The following PRKAR2B variants were observed in gnomAD, a reference collection of about 807,000 sequenced individuals.
PRKAR2B encodes the protein cAMP-dependent protein kinase type II-beta regulatory subunit.
A neutral mutation model predicts 49.9 loss-of-function variants in PRKAR2B; 14 were observed. The observed-to-expected ratio is 0.28, with a 90% confidence interval of 0.19 to 0.44. The LOEUF (loss-of-function observed/expected upper bound fraction) is 0.44, where lower values mean the gene tolerates loss of function less well. PRKAR2B is among the 20% of genes least tolerant of loss of function. PRKAR2B has a pLI of 1.00. For synonymous variants in PRKAR2B, 196 were observed against 197.7 expected (o/e 0.99, Z 0.07); for missense variants, 393 against 537.9 (o/e 0.73, Z 2.67).
At chr7:107,125,761 T>C (rs1795470662) in intron 3 of PRKAR2B, among the ~76,000 whole-genome samples, 2 of 151,764 alleles carry the variant, frequency 1.3e-5, no homozygotes, top group Admixed American at 6.6e-5. Flanking sequence ...ACCATAGTGA[T>C]GGAGGTGGGG....
intron 2 of PRKAR2B, among the ~76,000 whole-genome samples, chr7:107,114,966 A>G (rs1795244556): frequency 6.6e-6 from 1 of 152,214 alleles, no homozygotes; most frequent in Non-Finnish European, 1.5e-5. Context: ...TAATGGGCTT[A>G]TAATGAATCA....
At position 107,140,890 on chromosome 7, in the gene PRKAR2B, T is replaced by G; in HGVS notation, c.524T>G (p.Val175Gly). 1.9e-6 allele frequency: 3 copies of G among 1,612,684 alleles called. No individual in the cohort carries two copies. The highest frequency in any genetic ancestry group is 2.5e-6 in the Non-Finnish European group (3 of 1,179,242). The change falls in exon 5 of 11, where the codon GTC (valine) becomes GGC (glycine). Residue 175 changes from valine (V) to glycine (G), a missense_variant. This residue lies in a region of PRKAR2B where 233 missense variants were observed against 390.4 expected (regional missense o/e 0.60). Coordinates refer to ENST00000265717, the MANE Select transcript of PRKAR2B (RefSeq NM_002736.3). ...TTAGATGCCATGTTTGAAAAATTGG[T>G]CAAAGATGGGGAGCATGTAATTGAT... is the stretch of plus-strand genomic sequence containing the variant. The part of the protein sequence containing the change: ...QVLDAMFEKL[V>G]KDGEHVIDQG...
At chr7:107,158,734 C>G (rs1796143962) in intron 10 of PRKAR2B, among the ~76,000 whole-genome samples, 1 of 152,184 alleles carries the variant, frequency 6.6e-6, no homozygotes, top group East Asian at 1.9e-4. Context: ...TTGTACACTA[C>G]TAGCAGTGCC....
chr7:107,106,499 T>C (rs764507404), intron 2 of PRKAR2B, among the ~76,000 whole-genome samples: 8 of 152,222 alleles, frequency 5.3e-5, no homozygotes, highest in South Asian at 2.1e-4. Flanking sequence ...TAAACTTCTC[T>C]GGATCCTCCA....
At chr7:107,149,696 G>C (rs1203914436) in intron 6 of PRKAR2B, among the ~76,000 whole-genome samples, 1 of 152,070 alleles carries the variant, frequency 6.6e-6, no homozygotes, top group African/African-American at 2.4e-5. Flanking sequence ...ATCACACCTA[G>C]AGACTTTCAT....
intron 2 of PRKAR2B, among the ~76,000 whole-genome samples, chr7:107,117,578 T>G (rs181343025): frequency 1.3e-5 from 2 of 152,274 alleles, no homozygotes; most frequent in Admixed American, 1.3e-4. Context: ...TCAGTCTGCT[T>G]CCTTTAACTC....
At chr7:107,149,160 T>C (rs1002462058) in intron 6 of PRKAR2B, among the ~76,000 whole-genome samples, 1 of 152,202 alleles carries the variant, frequency 6.6e-6, no homozygotes, top group East Asian at 1.9e-4. Context: ...CAGAAATCTT[T>C]TTTAATACTA....
chr7:107,059,162 C>A (rs1793977147), intron 1 of PRKAR2B, among the ~76,000 whole-genome samples: 1 of 152,134 alleles, frequency 6.6e-6, no homozygotes, highest in African/African-American at 2.4e-5. Context: ...ATGGCACATG[C>A]CTGTAATCCC....
chr7:107,089,408 C>T (rs1794679446), intron 2 of PRKAR2B, among the ~76,000 whole-genome samples: 1 of 152,108 alleles, frequency 6.6e-6, no homozygotes, highest in Admixed American at 6.5e-5. Context: ...TCTTCCTAAC[C>T]AGGTTCTACA....
chr7:107,126,002 G>A (rs1261036564), intron 3 of PRKAR2B, among the ~76,000 whole-genome samples: 4 of 147,700 alleles, frequency 2.7e-5, no homozygotes, highest in East Asian at 2.0e-4. Context: ...CAGGAGAGTC[G>A]CTTGAACCCA....
At chr7:107,116,178 T>A (rs1022023602) in intron 2 of PRKAR2B, among the ~76,000 whole-genome samples, 6 of 152,228 alleles carry the variant, frequency 3.9e-5, no homozygotes, top group Non-Finnish European at 2.9e-5. Context: ...ATTTCTTCGG[T>A]CATTTTTGTT....
At chr7:107,067,632 A>G (rs1794179944) in intron 1 of PRKAR2B, among the ~76,000 whole-genome samples, 1 of 152,236 alleles carries the variant, frequency 6.6e-6, no homozygotes, top group Admixed American at 6.5e-5. Context: ...TCAAGAAGAC[A>G]GTGTAGTTAG....
At chr7:107,048,923 A>G (rs1036018700) in intron 1 of PRKAR2B, among the ~76,000 whole-genome samples, 7 of 152,242 alleles carry the variant, frequency 4.6e-5, no homozygotes, top group African/African-American at 1.4e-4. Context: ...CTCAAAGGCC[A>G]GAAAGAAGCC....
chr7:107,063,548 A>G (rs1263353804), intron 1 of PRKAR2B, among the ~76,000 whole-genome samples: 1 of 152,202 alleles, frequency 6.6e-6, no homozygotes, highest in East Asian at 1.9e-4. Flanking sequence ...TACCATGGAA[A>G]GGAACAAGAG....
intron 2 of PRKAR2B, among the ~76,000 whole-genome samples, chr7:107,101,142 T>A (rs929030881): frequency 3.3e-5 from 5 of 149,618 alleles, no homozygotes; most frequent in East Asian, 1.9e-4. Flanking sequence ...CTTATTTTTT[T>A]TTTTTTTTTT....
At chr7:107,068,860 CTG>C (rs1248281427) in intron 1 of PRKAR2B, 1 of 152,126 alleles carries the variant, frequency 6.6e-6, no homozygotes. Context: ...TGAAGAGTGA[CTG>C]TGTGATCTAA....
chr7:107,115,908 CTGG>C (rs1375071027), intron 2 of PRKAR2B, among the ~76,000 whole-genome samples: 1 of 152,226 alleles, frequency 6.6e-6, no homozygotes, highest in Non-Finnish European at 1.5e-5. Flanking sequence ...GCTTTAGGGA[CTGG>C]TGGCCTTCCA....
At chr7:107,051,573 C>T (rs974912596) in intron 1 of PRKAR2B, among the ~76,000 whole-genome samples, 11 of 152,056 alleles carry the variant, frequency 7.2e-5, no homozygotes, top group East Asian at 1.9e-4. Context: ...ATGACTCAGA[C>T]GGTTTCATTA....
In PRKAR2B at chr7:107,145,775, T is replaced by C. The variant is rs1023103955; in HGVS notation, c.588-533T>C. Among the ~76,000 whole-genome samples, 17 of 149,300 alleles carry C rather than the reference T, an allele frequency of 1.1e-4. 1 individual carries two copies. Among genetic ancestry groups the C allele is most frequent in the Non-Finnish European group, 2.1e-4 (14 of 67,352 alleles). On this transcript the variant is annotated intron_variant, in intron 5 of 10. Transcript: ENST00000265717. ...TTTTTTTGAGTTGGAGTTTTGCTCT[T>C]GTCACCCAGGCTGGAGTGCAGTGGC...
Sources: gnomAD v4.1 joint callset for allele counts (sites outside exome capture counted in the v4.1 genomes callset) on GRCh38, gnomAD v4.1.1 for gene constraint, gnomAD v4.1.1 regional missense constraint, MANE v1.5 for transcripts, NCBI Gene and HGNC (gene_info 2026-07-23, HGNC 2026-07-21) for gene names.